YIPF5: variants seen among roughly 807,000 people sequenced by gnomAD.
The protein encoded by YIPF5 is Yip1 domain family member 5.
Under a neutral mutation model 30.4 loss-of-function variants are expected in YIPF5, and 8 were observed. The ratio of observed to expected loss-of-function variants is 0.26; its 90% CI spans 0.15 to 0.47. The LOEUF (loss-of-function observed/expected upper bound fraction) is 0.47, where lower values mean the gene tolerates loss of function less well. Among genes scored for constraint, YIPF5 ranks in the 20% least tolerant of loss-of-function variants. The pLI is 0.99. For missense variants in YIPF5, 282 were observed against 301.8 expected (o/e 0.93, Z 0.49); for synonymous variants, 104 against 107.9 (o/e 0.96, Z 0.23).
chr5:144,158,378 C>T lies in YIPF5; in HGVS notation c.*2019G>A, dbSNP rs752259944. 6.7e-6 allele frequency: 8 copies of T among 1,185,826 alleles called. No individual in the cohort carries two copies. In the African/African-American group the frequency reaches 1.3e-4, roughly 19 times the overall value. 73.5% of individuals were successfully genotyped at this position (1,185,826 alleles called of 1,614,324 possible). A position where few individuals can be genotyped will look rare whatever the true frequency, so the allele number is the denominator to read the frequency against. The stretch of plus-strand genomic sequence containing the variant: ...TTGGAGCAAAATAAAAAATAACCAC[C>T]ACAAAAAAAATCTCTACAATAATTT... On this transcript the variant is annotated 3_prime_UTR_variant, in exon 6 of 6. Coordinates refer to ENST00000274496, the MANE Select transcript of YIPF5 (RefSeq NM_030799.9).
chr5:144,168,911 T>C (rs1259188853), intron 2 of YIPF5, among the ~76,000 whole-genome samples: 3 of 152,186 alleles, frequency 2.0e-5, no homozygotes, highest in Admixed American at 2.0e-4. Context: ...CGTGGAACAG[T>C]CTTTATGAGG....
rs1376381375 is a variant in YIPF5, at chr5:144,160,037, C to T, written c.*360G>A. 6.0e-6 allele frequency: 6 copies of T among 994,678 alleles called. No homozygotes were observed. The highest frequency in any genetic ancestry group is 6.0e-5 in the Admixed American group (1 of 16,786). The allele number at this position is 994,678 out of a possible 1,614,324, so 61.6% of individuals were successfully genotyped here. ...TGTGTCTTCTTTACTGTGACTGGGT[C>T]GTTTTTAAGAAAGGTTATCAGCTTT... On this transcript the variant is annotated 3_prime_UTR_variant, in exon 6 of 6. Transcript: ENST00000274496.
Position 144,159,220 on chromosome 5 carries a change from G to C in YIPF5, c.*1177C>G, listed in dbSNP as rs1242757680. On this transcript the variant is annotated 3_prime_UTR_variant, in exon 6 of 6. Coordinates refer to ENST00000274496, the MANE Select transcript of YIPF5 (RefSeq NM_030799.9). Reference sequence around the variant, plus strand: ...TCAAAATCAGAGCCTAGTTAAAAAAGAGACAAAGAGAACAGTAGTTTAGTA... The same window carrying C: ...TCAAAATCAGAGCCTAGTTAAAAAACAGACAAAGAGAACAGTAGTTTAGTA... 1.0e-6 allele frequency: 1 copy of C among 983,188 alleles called. No individual in the cohort carries two copies. Among genetic ancestry groups the C allele is most frequent in the African/African-American group, 1.7e-5 (1 of 57,150 alleles). 60.9% of individuals were successfully genotyped at this position (983,188 alleles called of 1,614,324 possible).
At chr5:144,161,801 A>C (rs1580754553) in intron 5 of YIPF5, among the ~76,000 whole-genome samples, 1 of 152,236 alleles carries the variant, frequency 6.6e-6, no homozygotes, top group African/African-American at 2.4e-5. Flanking sequence ...AAGCTGCCCA[A>C]TAGAGAGTAT....
At chr5:144,164,883 TCTTTA>T (rs1243198975) in intron 3 of YIPF5, among the ~76,000 whole-genome samples, 5 of 152,214 alleles carry the variant, frequency 3.3e-5, no homozygotes, top group Admixed American at 1.3e-4. Flanking sequence ...AGTAAGGGGT[TCTTTA>T]CTTGGGGCTT....
Position 144,165,614 on chromosome 5 carries a change from A to G in YIPF5, c.111-10T>C. On this transcript the variant is annotated splice_polypyrimidine_tract_variant and intron_variant, in intron 2 of 5. Coordinates refer to ENST00000274496, the MANE Select transcript of YIPF5 (RefSeq NM_030799.9). ...ATAGCCAGCATACTGTCTATAAATGAAAGAAAGTTAAATTTTTCAGAGGTA... is the reference window on the plus strand; with the variant it reads ...ATAGCCAGCATACTGTCTATAAATGGAAGAAAGTTAAATTTTTCAGAGGTA... The G allele has an allele frequency of 6.2e-7, 1 of 1,612,488 alleles. No individual in the cohort carries two copies. Among genetic ancestry groups the G allele is most frequent in the Non-Finnish European group, 8.5e-7 (1 of 1,178,862 alleles).
chr5:144,161,330 T>C (rs993036544), intron 5 of YIPF5, among the ~76,000 whole-genome samples: 1 of 131,748 alleles, frequency 7.6e-6, no homozygotes, highest in African/African-American at 2.8e-5. Flanking sequence ...ATACCTTTCC[T>C]TCCTTTTTTT....
At chr5:144,160,697 C>T in intron 5 of YIPF5, 138 bp from the exon 6 acceptor site, 1 of 736,674 alleles carries the variant, frequency 1.4e-6, no homozygotes, top group Non-Finnish European at 2.0e-6. Context: ...CAAAAATAAT[C>T]AGGATTTTTT....
intron 2 of YIPF5, among the ~76,000 whole-genome samples, chr5:144,168,472 G>A (rs1368219276): frequency 6.6e-6 from 1 of 152,054 alleles, no homozygotes; most frequent in Admixed American, 6.6e-5. Flanking sequence ...ATGGACTCTG[G>A]CTCTCCTATA....
chr5:144,167,039 T>G (rs1228748197), intron 2 of YIPF5, among the ~76,000 whole-genome samples: 1 of 152,192 alleles, frequency 6.6e-6, no homozygotes, highest in Non-Finnish European at 1.5e-5. Flanking sequence ...AGTATTGTTA[T>G]GAAAATAACT....
Position 144,158,420 on chromosome 5 carries a change from T to C in YIPF5, c.*1977A>G, listed in dbSNP as rs1475034414. The C allele has an allele frequency of 3.2e-6, 4 of 1,256,516 alleles. No individual in the cohort carries two copies. Among genetic ancestry groups the C allele is most frequent in the Non-Finnish European group, 3.1e-6 (3 of 974,176 alleles). 77.8% of individuals were successfully genotyped at this position (1,256,516 alleles called of 1,614,324 possible). On this transcript the variant is annotated 3_prime_UTR_variant, in exon 6 of 6. Transcript: ENST00000274496. The stretch of plus-strand genomic sequence containing the variant: ...CAATAATTTAAACTAAAAATGTTGT[T>C]GAGGATAGGGTAAACAACAAAAAAG...
chr5:144,160,930 G>A (rs962643815), intron 5 of YIPF5, among the ~76,000 whole-genome samples: 1 of 152,114 alleles, frequency 6.6e-6, no homozygotes, highest in Non-Finnish European at 1.5e-5. Context: ...TAAGATATAA[G>A]TAGCACCCTT....
At position 144,169,864 on chromosome 5, in the gene YIPF5, C is replaced by G. The variant is rs141157251; in HGVS notation, c.92G>C (p.Ser31Thr). ...QSQQSYDYGG[S>T]GGPYSKQYAG... ...AAGTTACTTGCTATAGGGTCCTCCACTTCCTCCATAATCATAGGACTGCTG... is the reference window on the plus strand; with the variant it reads ...AAGTTACTTGCTATAGGGTCCTCCAGTTCCTCCATAATCATAGGACTGCTG... Residue 31 changes from serine to threonine, a missense_variant, in exon 2 of 6, where the codon AGT becomes ACT. Physicochemically the swap from Ser to Thr is moderately conservative, Grantham distance 58. Coordinates refer to ENST00000274496, the MANE Select transcript of YIPF5 (RefSeq NM_030799.9). 6.2e-6 allele frequency: 10 copies of G among 1,614,016 alleles called. No homozygotes were observed. Among genetic ancestry groups the G allele is most frequent in the Non-Finnish European group, 7.6e-6 (9 of 1,179,982 alleles).
intron 2 of YIPF5, among the ~76,000 whole-genome samples, chr5:144,166,058 G>A (rs1019006539): frequency 2.8e-4 from 43 of 152,100 alleles, no homozygotes; most frequent in African/African-American, 9.2e-4. Context: ...GATAGCCATC[G>A]AATTATCATT....
In YIPF5 at chr5:144,169,960, A is replaced by G; in HGVS notation, c.-5T>C. ...TAAGTTTTCAAAGCCTGACATTGCA[A>G]ATAATCTGTAATAAAAGAGAAATGG... On this transcript the variant is annotated 5_prime_UTR_variant, in exon 2 of 6. Transcript: ENST00000274496. 1 of 1,611,804 alleles carries G rather than the reference A, an allele frequency of 6.2e-7. No individual in the cohort carries two copies. The highest frequency in any genetic ancestry group is 8.5e-7 in the Non-Finnish European group (1 of 1,177,866).
chr5:144,167,501 G>GA (rs1410172434), intron 2 of YIPF5, among the ~76,000 whole-genome samples: 3 of 151,550 alleles, frequency 2.0e-5, no homozygotes, highest in Non-Finnish European at 2.9e-5. Context: ...AGTCAAAGAA[G>GA]AAAAAAAATA....
chr5:144,162,130 A>G (rs1272610218), intron 5 of YIPF5, 88 bp downstream of exon 5: 2 of 1,403,818 alleles, frequency 1.4e-6, no homozygotes, highest in African/African-American at 1.4e-5. Flanking sequence ...TGTTTGCTGA[A>G]TCGGTGATTT....
intron 2 of YIPF5, 150 bp from the exon 3 acceptor site, chr5:144,165,754 G>T (rs1033213386): frequency 1.8e-5 from 12 of 654,542 alleles, no homozygotes; most frequent in African/African-American, 1.6e-4. Context: ...ATAAATCATG[G>T]TTGAAATGAT....
chr5:144,169,812 TA>T, intron 2 of YIPF5, 33 bp downstream of exon 2: 1 of 1,550,566 alleles, frequency 6.4e-7, no homozygotes, highest in Non-Finnish European at 8.9e-7. Context: ...CACTGCAATG[TA>T]GACTAAATTA....
Sources: allele counts gnomAD v4.1 joint callset (sites outside exome capture counted in the v4.1 genomes callset), GRCh38; gene constraint gnomAD v4.1.1; transcripts MANE v1.5; gene names NCBI Gene and HGNC (gene_info 2026-07-23, HGNC 2026-07-21).